The following RSPH6A variants were observed in gnomAD, a reference collection of about 807,000 sequenced individuals.
The protein encoded by RSPH6A is radial spoke head protein 6 homolog A.
Under a neutral mutation model 66.1 loss-of-function variants are expected in RSPH6A, and 49 were observed. That is an observed-to-expected ratio of 0.74 (90% confidence interval 0.59 to 0.94). The LOEUF (loss-of-function observed/expected upper bound fraction) is 0.94. Ranked by LOEUF, RSPH6A falls within the 40% of genes least tolerant of loss-of-function variation. RSPH6A has a pLI of 0.00. For synonymous variants in RSPH6A, 419 were observed against 402.4 expected, an observed-to-expected ratio of 1.04 and a Z score of -0.49; for missense variants, 977 against 948.3, an observed-to-expected ratio of 1.03 and a Z score of -0.40.
intron 5 of RSPH6A, among the ~76,000 whole-genome samples, chr19:45,799,254 CCT>C (rs1173676293): frequency 2.1e-5 from 3 of 145,082 alleles, no homozygotes; most frequent in Non-Finnish European, 4.6e-5. Flanking sequence ...CGGCAAACCC[CCT>C]GTCACGCAGC....
At position 45,801,828 on chromosome 19, in the gene RSPH6A, C is replaced by T. The variant is rs116122705; in HGVS notation, c.1798+292G>A. Among the ~76,000 whole-genome samples the T allele has an allele frequency of 8.9e-3, 1,354 of 152,172 alleles. 26 individuals carry two copies. The highest frequency in any genetic ancestry group is 0.031 in the African/African-American group (1,287 of 41,514). ...ACACACACACATACACACACATGCA[C>T]ACACACACCCAGCTCCAGTCTTTAG... On this transcript the variant is annotated intron_variant, in intron 4 of 5. Transcript: ENST00000221538.
At position 45,814,790 on chromosome 19, in the gene RSPH6A, G is replaced by A; in HGVS notation, c.387C>T (p.Ser129=). 6.2e-7 allele frequency: 1 copy of A among 1,613,872 alleles called. No individual in the cohort carries two copies. The highest frequency in any genetic ancestry group is 8.5e-7 in the Non-Finnish European group (1 of 1,179,844). The part of the protein sequence containing the change: ...MLQRLQQGQS[S]LFQQLDPTFQ... ...AGGTGGGGTCCAGTTGCTGGAACAGGCTGCTTTGGCCCTGCTGGAGCCGCT... is the reference window on the plus strand; with the variant it reads ...AGGTGGGGTCCAGTTGCTGGAACAGACTGCTTTGGCCCTGCTGGAGCCGCT... The change falls in exon 1 of 6, where the codon AGC becomes AGT. Residue 129 remains serine (S), a synonymous_variant. Coordinates refer to ENST00000221538, the MANE Select transcript of RSPH6A (RefSeq NM_030785.4).
rs1455815542 is a variant in RSPH6A, at chr19:45,804,153, T to C, written c.1653+99A>G. 1 of 889,866 alleles carries C rather than the reference T, an allele frequency of 1.1e-6. No homozygotes were observed. The highest frequency in any genetic ancestry group is 1.7e-5 in the African/African-American group (1 of 59,880). 55.1% of individuals were successfully genotyped at this position (889,866 alleles called of 1,614,324 possible). Reference sequence around the variant, plus strand: ...GGATGAATGAACGAATGAATATTAGTTGCCCAGCAGAGAGTAAGAGCTTGA... The same window carrying C: ...GGATGAATGAACGAATGAATATTAGCTGCCCAGCAGAGAGTAAGAGCTTGA... On this transcript the variant is annotated intron_variant, in intron 3 of 5. Coordinates refer to ENST00000221538, the MANE Select transcript of RSPH6A (RefSeq NM_030785.4). This position sits in a 1 kb window ranked among gnomAD's most constrained non-coding sequence, Gnocchi z 5.8.
chr19:45,810,560 C>G (rs1417027388), intron 2 of RSPH6A, 43 bp downstream of exon 2: 57 of 1,571,750 alleles, frequency 3.6e-5, no homozygotes, highest in Non-Finnish European at 4.6e-5. Context: ...TGCTTGGGCC[C>G]CCACTGACCC....
At position 45,815,127 on chromosome 19, in the gene RSPH6A, C is replaced by T; in HGVS notation, c.50G>A (p.Gly17Asp). The T allele has an allele frequency of 1.9e-6, 3 of 1,611,658 alleles. No individual in the cohort carries two copies. Among genetic ancestry groups the T allele is most frequent in the Non-Finnish European group, 8.5e-7 (1 of 1,179,914 alleles). ...YPERPAQQPP[G>D]RRTSQASQRR... is the part of the protein sequence containing the mutation. ...CTGGGAGGCCTGAGAAGTCCTCCGG[C>T]CCGGAGGCTGCTGGGCAGGGCGCTC... The change falls in exon 1 of 6, where the codon GGC (glycine) becomes GAC (aspartate). Residue 17 changes from glycine (G) to aspartate (D), a missense_variant. Gly to Asp is a moderately conservative substitution (Grantham distance 94). Coordinates refer to ENST00000221538, the MANE Select transcript of RSPH6A (RefSeq NM_030785.4).
chr19:45,805,694 AAAAAAAGAG>A (rs1970535145), intron 2 of RSPH6A, among the ~76,000 whole-genome samples: 1 of 50,886 alleles, frequency 2.0e-5, no homozygotes, highest in Admixed American at 1.8e-4. Context: ...TCCCACTCAA[AAAAAAAGAG>A]AAAGAAAGAA....
Position 45,795,745 on chromosome 19 carries a change from C to T in RSPH6A, c.*124G>A, listed in dbSNP as rs993953565. 2.5e-5 allele frequency: 22 copies of T among 882,866 alleles called. No homozygotes were observed. The highest frequency in any genetic ancestry group is 1.5e-4 in the African/African-American group (9 of 59,512). The allele number at this position is 882,866 out of a possible 1,614,324, so 54.7% of individuals were successfully genotyped here. A position where few individuals can be genotyped will look rare whatever the true frequency, so the allele number is the denominator to read the frequency against. On this transcript the variant is annotated 3_prime_UTR_variant, in exon 6 of 6. Transcript: ENST00000221538. ...GAGGAATTTTATTTGAAGCAGTTGCCTTCCTTTTCTATCCCTGCCCTCTGG... is the reference window on the plus strand; with the variant it reads ...GAGGAATTTTATTTGAAGCAGTTGCTTTCCTTTTCTATCCCTGCCCTCTGG...
chr19:45,809,880 G>T (rs1004919510), intron 2 of RSPH6A, among the ~76,000 whole-genome samples: 6 of 152,192 alleles, frequency 3.9e-5, no homozygotes, highest in African/African-American at 1.2e-4. Flanking sequence ...GAAAACGAGA[G>T]AAATAAGAGC....
At chr19:45,800,701 G>A in intron 4 of RSPH6A, 138 bp from the exon 5 acceptor site, 1 of 589,736 alleles carries the variant, frequency 1.7e-6, no homozygotes, top group South Asian at 2.0e-5. Context: ...CAACAGCTCG[G>A]GCTGCGGTGT....
rs771185702 is a variant in RSPH6A at position 45,804,971 on chromosome 19, C to A, written c.934G>T (p.Glu312Ter). Reference protein sequence around the residue: ...PNIMETAFYFEQAGVGLSSDE... With the variant: ...PNIMETAFYF ...GAGCTCAGGCCGACGCCGGCCTGCT[C>A]GAAGTAGAAGGCAGTCTCCATGATG... The change falls in exon 3 of 6, where the codon GAG becomes TAG. Residue 312 changes from glutamate to a stop codon, truncating the protein, a stop_gained. Transcript: ENST00000221538. LOFTEE classifies it high-confidence loss of function. This position sits in a 1 kb window ranked among gnomAD's most constrained non-coding sequence, Gnocchi z 5.8. 1 of 1,613,662 alleles carries A rather than the reference C, an allele frequency of 6.2e-7. No homozygotes were observed. The highest frequency in any genetic ancestry group is 2.2e-5 in the East Asian group (1 of 44,878).
chr19:45,798,546 A>C (rs1970432876), intron 5 of RSPH6A, among the ~76,000 whole-genome samples: 1 of 147,498 alleles, frequency 6.8e-6, no homozygotes, highest in African/African-American at 2.5e-5. Context: ...TCTCAAAAAA[A>C]AAAAAAAAAA....
Position 45,814,575 on chromosome 19 carries a change from T to A in RSPH6A, c.602A>T (p.Asn201Ile). The A allele has an allele frequency of 2.0e-6, 3 of 1,537,036 alleles. No individual in the cohort carries two copies. The highest frequency in any genetic ancestry group is 2.6e-6 in the Non-Finnish European group (3 of 1,143,104). The part of the protein sequence containing the change: ...EPEPLELAVQ[N>I]AKAYLLQTSI... The stretch of plus-strand genomic sequence containing the variant: ...GGTCTGCAGCAGGTAGGCCTTGGCG[T>A]TCTGCACGGCCAGCTCCAGAGGCTC... Residue 201 changes from asparagine to isoleucine, a missense_variant, in exon 1 of 6, where the codon AAC becomes ATC. By Grantham distance (149) the Asn-to-Ile change is moderately radical (BLOSUM62 -3). Coordinates refer to ENST00000221538, the MANE Select transcript of RSPH6A (RefSeq NM_030785.4).
At position 45,804,468 on chromosome 19, in the gene RSPH6A, G is replaced by T. The variant is rs1302859540; in HGVS notation, c.1437C>A (p.Asn479Lys). The change falls in exon 3 of 6, where the codon AAC becomes AAA. Residue 479 changes from asparagine to lysine, a missense_variant. Asn to Lys is a moderately conservative substitution (Grantham distance 94). Coordinates refer to ENST00000221538, the MANE Select transcript of RSPH6A (RefSeq NM_030785.4). This position sits in a 1 kb window ranked among gnomAD's most constrained non-coding sequence, Gnocchi z 5.8. ...TGCGGGCTATCTGGGCCCGCAGGTA[G>T]TTGGCCTCGTTGCCCGGGAAGGGTG... ...SYPPFPGNEA[N>K]YLRAQIARIS... is the part of the protein sequence containing the mutation. 6.2e-7 allele frequency: 1 copy of T among 1,614,096 alleles called. No homozygotes were observed. Among genetic ancestry groups the T allele is most frequent in the Non-Finnish European group, 8.5e-7 (1 of 1,179,962 alleles).
In RSPH6A at chr19:45,814,639, G is replaced by A. The variant is rs1970677979; in HGVS notation, c.538C>T (p.Leu180=). The change falls in exon 1 of 6, where the codon CTG becomes TTG. Residue 180 remains leucine, a synonymous_variant. Transcript: ENST00000221538. ...DPALQFLPSE[L]GFPHYSAQVP... ...TGGGCACTGTAGTGTGGGAAGCCCA[G>A]CTCAGAGGGCAAGAACTGAAGGGCA... 1.2e-6 allele frequency: 2 copies of A among 1,607,028 alleles called. No individual in the cohort carries two copies. Among genetic ancestry groups the A allele is most frequent in the Admixed American group, 1.7e-5 (1 of 59,216 alleles).
chr19:45,808,881 G>C (rs1403571759), intron 2 of RSPH6A, among the ~76,000 whole-genome samples: 1 of 151,536 alleles, frequency 6.6e-6, no homozygotes, highest in East Asian at 2.0e-4. Context: ...TAGCCAGGAT[G>C]GTCTCGATCT....
rs1258749455 is a variant in RSPH6A, at chr19:45,805,385, G to A, written c.889-369C>T. Among the ~76,000 whole-genome samples the A allele has an allele frequency of 2.0e-5, 3 of 151,180 alleles. No individual in the cohort carries two copies. The East Asian group carries it at 5.9e-4, about 30-fold the overall frequency. On this transcript the variant is annotated intron_variant, in intron 2 of 5. Coordinates refer to ENST00000221538, the MANE Select transcript of RSPH6A (RefSeq NM_030785.4). ...CACTCCAGCCTGAGCAACAAAGTGA[G>A]ACACGGTCTCAAAAAATAAAAAGAG...
chr19:45,810,676 G>A lies in RSPH6A; in HGVS notation c.815C>T (p.Ala272Val), dbSNP rs888893141. The A allele has an allele frequency of 8.1e-6, 13 of 1,613,692 alleles. No homozygotes were observed. Among genetic ancestry groups the A allele is most frequent in the South Asian group, 3.3e-5 (3 of 91,054 alleles). Residue 272 changes from alanine to valine, a missense_variant, in exon 2 of 6, where the codon GCG (alanine) becomes GTG (valine). Transcript: ENST00000221538. ...GGTGAACAGCGCCTTCTGTTTCTCC[G>A]CCATCTTGTAGGTGGGCTGCATCTC... ...DPEMQPTYKM[A>V]EKQKALFTRS... is the part of the protein sequence containing the mutation.
Position 45,814,746 on chromosome 19 carries a change from T to G in RSPH6A, c.431A>C (p.Asn144Thr). The change falls in exon 1 of 6, where the codon AAC becomes ACC. Residue 144 changes from asparagine to threonine, a missense_variant. Transcript: ENST00000221538. ...LDPTFQEPPV[N>T]PLGQFNLYQT... ...GTAGAGGTTGAACTGGCCCAAGGGG[T>G]TGACTGGGGGCTCCTGGAAGGTGGG... 6.2e-7 allele frequency: 1 copy of G among 1,613,498 alleles called. No homozygotes were observed.
chr19:45,804,684 T>A lies in RSPH6A; in HGVS notation c.1221A>T (p.Val407=). 6.2e-7 allele frequency: 1 copy of A among 1,613,766 alleles called. No individual in the cohort carries two copies. Among genetic ancestry groups the A allele is most frequent in the Non-Finnish European group, 8.5e-7 (1 of 1,179,960 alleles). ...TGGGGATCACGGGCGGCGGCTTCCA[T>A]ACGGACTTAGGGACGATGTCCACGG... ...EKAVDIVPKS[V]WKPPPVIPKE... is the part of the protein sequence containing the mutation. The change falls in exon 3 of 6, where the codon GTA becomes GTT. Residue 407 remains valine (V), a synonymous_variant. Transcript: ENST00000221538. This position sits in a 1 kb window ranked among gnomAD's most constrained non-coding sequence, Gnocchi z 5.8.
Sources: allele counts gnomAD v4.1 joint callset (sites outside exome capture counted in the v4.1 genomes callset), GRCh38; gene constraint gnomAD v4.1.1; non-coding constraint Gnocchi (gnomAD v3.1); transcripts MANE v1.5; gene names NCBI Gene and HGNC (gene_info 2026-07-23, HGNC 2026-07-21).